Variants in ZFAND3 observed in about 807,000 individuals in gnomAD.
ZFAND3 encodes zinc finger AN1-type containing 3, also known as AN1-type zinc finger protein 3.
Under a neutral mutation model 29.6 loss-of-function variants are expected in ZFAND3, and 10 were observed. The observed-to-expected ratio is 0.34, with a 90% CI of 0.21 to 0.57. ZFAND3 has a LOEUF of 0.57. Ranked by LOEUF, ZFAND3 falls within the 20% of genes least tolerant of loss-of-function variation. The pLI is 0.86. For synonymous variants in ZFAND3, 128 were observed against 112.6 expected, an observed-to-expected ratio of 1.14 and a Z score of -0.87; for missense variants, 230 against 304.5, an observed-to-expected ratio of 0.76 and a Z score of 1.82.
intron 2 of ZFAND3, among the ~76,000 whole-genome samples, chr6:37,995,245 CTCTT>C (rs1042472558): frequency 1.3e-5 from 2 of 152,008 alleles, no homozygotes; most frequent in African/African-American, 4.8e-5. Context: ...TAATTTTAAC[CTCTT>C]TCTTAAAATA....
Position 38,137,445 on chromosome 6 carries a change from AAT to A in ZFAND3, c.530-14787_530-14786del, listed in dbSNP as rs1765863503. On this transcript the variant is annotated intron_variant, in intron 5 of 5. Transcript: ENST00000287218. The stretch of plus-strand genomic sequence containing the variant: ...GTTTTTCTATCTTGTTGCTAGAAGC[AAT>A]ATGTTTCTATTTTTAATGAGTCAAA... 2.0e-5 allele frequency among the ~76,000 whole-genome samples: 3 copies of A among 152,344 alleles called. No individual in the cohort carries two copies. In the South Asian group the frequency reaches 6.2e-4, roughly 32 times the overall value.
chr6:38,048,780 C>T (rs926844564), intron 2 of ZFAND3, among the ~76,000 whole-genome samples: 4 of 152,136 alleles, frequency 2.6e-5, no homozygotes, highest in African/African-American at 9.6e-5. Context: ...GTAGCTTAGG[C>T]AGGATTCAAA....
intron 2 of ZFAND3, among the ~76,000 whole-genome samples, chr6:38,009,059 A>G (rs1168488725): frequency 6.6e-6 from 1 of 152,220 alleles, no homozygotes; most frequent in Non-Finnish European, 1.5e-5. Flanking sequence ...GTTATCAGTA[A>G]TAAGCACCTC....
At chr6:38,107,339 A>C (rs769991154) in intron 4 of ZFAND3, among the ~76,000 whole-genome samples, 3 of 152,214 alleles carry the variant, frequency 2.0e-5, no homozygotes, top group Non-Finnish European at 4.4e-5. Context: ...GGAAGAGGTG[A>C]AGTGGAGGCA....
intron 5 of ZFAND3, among the ~76,000 whole-genome samples, chr6:38,120,320 CTTTTTTTTTTTTTTTTTTT>C (rs70981523): frequency 1.6e-5 from 1 of 60,694 alleles, no homozygotes; most frequent in Non-Finnish European, 3.1e-5. Flanking sequence ...GCTTGGCTTC[CTTTTTTTTTTTTTTTTTTT>C]TTTTTTTTTT....
intron 1 of ZFAND3, among the ~76,000 whole-genome samples, chr6:37,853,930 A>G (rs1333408777): frequency 1.3e-5 from 2 of 152,216 alleles, no homozygotes; most frequent in Admixed American, 6.5e-5. Context: ...ACATAAAAAT[A>G]GGGCTTTTGC....
At chr6:38,006,294 C>G (rs1432016309) in intron 2 of ZFAND3, among the ~76,000 whole-genome samples, 3 of 152,030 alleles carry the variant, frequency 2.0e-5, no homozygotes, top group Non-Finnish European at 4.4e-5. Context: ...TGTTGTATGT[C>G]TCTGTGTTTG....
At chr6:37,825,076 C>T (rs1763734249) in intron 1 of ZFAND3, among the ~76,000 whole-genome samples, 2 of 152,172 alleles carry the variant, frequency 1.3e-5, no homozygotes, top group South Asian at 4.1e-4. Context: ...TGTCAAACAT[C>T]ACCTTTGTTA....
chr6:38,049,646 A>T (rs1763979613), intron 2 of ZFAND3, among the ~76,000 whole-genome samples: 1 of 152,176 alleles, frequency 6.6e-6, no homozygotes, highest in Admixed American at 6.5e-5. Flanking sequence ...TATAAACATC[A>T]TGTATTCTGA....
chr6:38,083,895 A>G (rs1764711548), intron 4 of ZFAND3, among the ~76,000 whole-genome samples: 1 of 152,140 alleles, frequency 6.6e-6, no homozygotes, highest in African/African-American at 2.4e-5. Context: ...TAATAATGAT[A>G]TTTATTGTAT....
At chr6:38,045,054 T>TTTTATTTATTTATTTATTTATTTA (rs3047087) in intron 2 of ZFAND3, among the ~76,000 whole-genome samples, 10 of 134,738 alleles carry the variant, frequency 7.4e-5, no homozygotes, top group Non-Finnish European at 1.3e-4. Flanking sequence ...GTGGAAATTC[T>TTTTATTTATTTATTTATTTATTTA]TTTATTTATT....
chr6:37,825,129 A>G (rs2127364809), intron 1 of ZFAND3, among the ~76,000 whole-genome samples: 1 of 151,884 alleles, frequency 6.6e-6, no homozygotes, highest in Middle Eastern at 3.4e-3. Flanking sequence ...TTGGCTCCTC[A>G]TAGTGTGTGG....
At chr6:37,955,892 G>A (rs1173382605) in intron 2 of ZFAND3, among the ~76,000 whole-genome samples, 2 of 152,186 alleles carry the variant, frequency 1.3e-5, no homozygotes, top group Non-Finnish European at 2.9e-5. Flanking sequence ...AAGGAAAGAG[G>A]AAGAAATAAA....
rs1763782548 is a variant in ZFAND3 at position 38,041,752 on chromosome 6, TC to T, written c.113-19839del. On this transcript the variant is annotated intron_variant, in intron 2 of 5. Transcript: ENST00000287218. The stretch of plus-strand genomic sequence containing the variant: ...CTCCTCCTCCTCCTCCTCCTCCTCC[TC>T]CTCCTCCTCCTCCTCCTCCTCCTCC... 9.4e-4 allele frequency among the ~76,000 whole-genome samples: 2 copies of T among 2,134 alleles called. 1 individual carries two copies. Among genetic ancestry groups the T allele is most frequent in the African/African-American group, 1.1e-3 (2 of 1,796 alleles). 1.4% of individuals were successfully genotyped at this position (2,134 alleles called of 152,430 possible).
intron 1 of ZFAND3, among the ~76,000 whole-genome samples, chr6:37,921,650 A>C (rs1324923664): frequency 1.3e-5 from 2 of 152,138 alleles, no homozygotes; most frequent in Admixed American, 1.3e-4. Flanking sequence ...CATGAAGGCT[A>C]ATTTGTCATT....
intron 1 of ZFAND3, among the ~76,000 whole-genome samples, chr6:37,893,104 G>A (rs552150606): frequency 9.2e-5 from 14 of 152,066 alleles, no homozygotes; most frequent in African/African-American, 2.7e-4. Flanking sequence ...AACTCATGAG[G>A]CCATTAATAC....
chr6:38,022,743 A>G (rs1763374630), intron 2 of ZFAND3, among the ~76,000 whole-genome samples: 1 of 152,248 alleles, frequency 6.6e-6, no homozygotes, highest in African/African-American at 2.4e-5. Flanking sequence ...CCATTTGGTC[A>G]GAATTTATCT....
intron 4 of ZFAND3, among the ~76,000 whole-genome samples, chr6:38,103,456 C>CACAT (rs1554181189): frequency 4.7e-5 from 1 of 21,114 alleles, no homozygotes; most frequent in Non-Finnish European, 1.2e-4. Context: ...TATATACACA[C>CACAT]ATATATACAC....
At chr6:37,924,962 G>A (rs1048824969) in intron 1 of ZFAND3, among the ~76,000 whole-genome samples, 2 of 152,082 alleles carry the variant, frequency 1.3e-5, no homozygotes, top group African/African-American at 4.8e-5. Flanking sequence ...CTACAGCACA[G>A]TCAGAGAACA....
Sources: gnomAD v4.1 joint callset for allele counts (sites outside exome capture counted in the v4.1 genomes callset) on GRCh38, gnomAD v4.1.1 for gene constraint, MANE v1.5 for transcripts, NCBI Gene and HGNC (gene_info 2026-07-23, HGNC 2026-07-21) for gene names.